Variants in FAM222B observed in about 807,000 individuals in gnomAD.
The protein encoded by FAM222B is protein FAM222B.
A neutral mutation model predicts 38.0 loss-of-function variants in FAM222B; 12 were observed. The ratio of observed to expected loss-of-function variants is 0.32; its 90% confidence interval spans 0.20 to 0.51. FAM222B has a LOEUF of 0.51. Ranked by LOEUF, FAM222B falls within the 20% of genes least tolerant of loss-of-function variation. The pLI is 0.97. For missense variants in FAM222B, 716 were observed against 754.2 expected (o/e 0.95, Z 0.59); for synonymous variants, 329 against 317.2 (o/e 1.04, Z -0.40).
chr17:28,817,579 G>A (rs1348880751), intron 1 of FAM222B, among the ~76,000 whole-genome samples: 2 of 152,032 alleles, frequency 1.3e-5, no homozygotes, highest in Non-Finnish European at 2.9e-5. Context: ...AAAATTAGCC[G>A]GCCATGGTGG....
chr17:28,834,077 C>T (rs1210167627), intron 1 of FAM222B, among the ~76,000 whole-genome samples: 1 of 152,192 alleles, frequency 6.6e-6, no homozygotes, highest in Non-Finnish European at 1.5e-5. Context: ...AATATAAAGT[C>T]AATGAGATCC....
At chr17:28,826,949 T>C (rs957088569) in intron 1 of FAM222B, among the ~76,000 whole-genome samples, 8 of 152,052 alleles carry the variant, frequency 5.3e-5, no homozygotes, top group Non-Finnish European at 8.8e-5. Context: ...GAGACCAGCA[T>C]TGGCAATATA....
At chr17:28,811,025 G>A (rs192424668) in intron 1 of FAM222B, among the ~76,000 whole-genome samples, 84 of 151,760 alleles carry the variant, frequency 5.5e-4, no homozygotes, top group Middle Eastern at 3.4e-3. Flanking sequence ...CATAAACTCT[G>A]AACCATTTTA....
chr17:28,758,113 C>T lies in FAM222B; in HGVS notation c.*157G>A. Reference sequence around the variant, plus strand: ...GCTGGAGGGGAGGACGAGAGGACCCCTTCTGTCCCCACTTAGATCCCACCA... The same window carrying T: ...GCTGGAGGGGAGGACGAGAGGACCCTTTCTGTCCCCACTTAGATCCCACCA... On this transcript the variant is annotated 3_prime_UTR_variant, in exon 3 of 3. Coordinates refer to ENST00000581407, the MANE Select transcript of FAM222B (RefSeq NM_001077498.3). 3.0e-6 allele frequency: 2 copies of T among 672,998 alleles called. No homozygotes were observed. Among genetic ancestry groups the T allele is most frequent in the Non-Finnish European group, 4.8e-6 (2 of 418,234 alleles). The allele number at this position is 672,998 out of a possible 1,614,324, so 41.7% of individuals were successfully genotyped here. A position where few individuals can be genotyped will look rare whatever the true frequency, so the allele number is the denominator to read the frequency against.
intron 1 of FAM222B, among the ~76,000 whole-genome samples, chr17:28,835,024 T>TTGTGTGTGTGTGTGTGTGTGTGTGTGTG (rs61229770): frequency 7.6e-6 from 1 of 132,010 alleles, no homozygotes; most frequent in Non-Finnish European, 1.6e-5. Context: ...TCAGCTAATT[T>TTGTGTGTGTGTGTGTGTGTGTGTGTGTG]TGTGTGTGTG....
At chr17:28,792,903 A>G (rs1160942190) in intron 1 of FAM222B, among the ~76,000 whole-genome samples, 2 of 151,324 alleles carry the variant, frequency 1.3e-5, no homozygotes, top group Non-Finnish European at 2.9e-5. Flanking sequence ...TTTAACTGCC[A>G]TGTTCACTTT....
At position 28,771,656 on chromosome 17, in the gene FAM222B, G is replaced by A. The variant is rs115272404; in HGVS notation, c.-40-4949C>T. On this transcript the variant is annotated intron_variant, in intron 1 of 2. Transcript: ENST00000581407. The stretch of plus-strand genomic sequence containing the variant: ...AGATTTTGCCACTGCACACCAGCCC[G>A]GGAAACAGTGCGAGACTCCGTCTTA... Among the ~76,000 whole-genome samples the A allele has an allele frequency of 4.6e-3, 702 of 152,250 alleles. 9 individuals are homozygous for A. The highest frequency in any genetic ancestry group is 0.016 in the African/African-American group (661 of 41,548).
intron 1 of FAM222B, among the ~76,000 whole-genome samples, chr17:28,785,299 A>G (rs1343731035): frequency 6.6e-6 from 1 of 152,204 alleles, no homozygotes; most frequent in African/African-American, 2.4e-5. Flanking sequence ...CCACAAAATA[A>G]TAGTAAGCAT....
chr17:28,781,472 T>C (rs949594500), intron 1 of FAM222B, among the ~76,000 whole-genome samples: 1 of 152,132 alleles, frequency 6.6e-6, no homozygotes, highest in Non-Finnish European at 1.5e-5. Flanking sequence ...AAAAACAGTA[T>C]GGAGGTTTCT....
At chr17:28,826,298 G>C (rs1234922721) in intron 1 of FAM222B, among the ~76,000 whole-genome samples, 1 of 151,414 alleles carries the variant, frequency 6.6e-6, no homozygotes, top group East Asian at 2.0e-4. Context: ...TCGAACTCCA[G>C]ACCTCAAGTG....
intron 2 of FAM222B, among the ~76,000 whole-genome samples, chr17:28,762,626 CAAAA>C (rs10618524): frequency 1.7e-4 from 8 of 48,154 alleles, no homozygotes; most frequent in South Asian, 9.3e-4. Context: ...GACTCCATCT[CAAAA>C]AAAAAAAAAA....
chr17:28,840,572 C>CTTT (rs1273994751), intron 1 of FAM222B, among the ~76,000 whole-genome samples: 1 of 152,110 alleles, frequency 6.6e-6, no homozygotes, highest in Admixed American at 6.6e-5. Context: ...AGCTAGAGGG[C>CTTT]TGCCTTATGC....
chr17:28,835,063 T>TGTGTGTGTGTGA (rs1555590031), intron 1 of FAM222B, among the ~76,000 whole-genome samples: 8 of 132,128 alleles, frequency 6.1e-5, no homozygotes, highest in Non-Finnish European at 9.9e-5. Flanking sequence ...TGTGTGTGTG[T>TGTGTGTGTGTGA]GTGATGGAGT....
At position 28,801,024 on chromosome 17, in the gene FAM222B, G is replaced by A. The variant is rs568512943; in HGVS notation, c.-40-34317C>T. Among the ~76,000 whole-genome samples the A allele has an allele frequency of 2.0e-5, 3 of 151,716 alleles. No homozygotes were observed. In the East Asian group the frequency reaches 5.9e-4, roughly 30 times the overall value. Reference sequence around the variant, plus strand: ...AATACAAAAATTAGCTGGGCGTGGTGGCAGGCGCCTGTAACCCAGCTACTC... The same window carrying A: ...AATACAAAAATTAGCTGGGCGTGGTAGCAGGCGCCTGTAACCCAGCTACTC... On this transcript the variant is annotated intron_variant, in intron 1 of 2. Transcript: ENST00000581407.
intron 1 of FAM222B, among the ~76,000 whole-genome samples, chr17:28,785,874 A>AT (rs1049750765): frequency 6.6e-6 from 1 of 151,892 alleles, no homozygotes; most frequent in Non-Finnish European, 1.5e-5. Context: ...TGCCCTGCTA[A>AT]TTTTTTTGTA....
intron 2 of FAM222B, among the ~76,000 whole-genome samples, chr17:28,765,371 C>T (rs1397710371): frequency 6.6e-6 from 1 of 152,158 alleles, no homozygotes; most frequent in African/African-American, 2.4e-5. Context: ...CTGTGGCTGC[C>T]GTTGCCCTAC....
upstream of FAM222B, among the ~76,000 whole-genome samples, chr17:28,845,120 G>T (rs1278443702): frequency 6.8e-6 from 1 of 147,892 alleles, no homozygotes; most frequent in Non-Finnish European, 1.5e-5. Flanking sequence ...AAATAAATAG[G>T]GCCGGGCGCG....
intron 2 of FAM222B, among the ~76,000 whole-genome samples, chr17:28,761,418 C>A (rs7215000): frequency 6.6e-6 from 1 of 152,040 alleles, no homozygotes; most frequent in Non-Finnish European, 1.5e-5. Flanking sequence ...CTCAGCTAGC[C>A]GACTCTCTCC....
chr17:28,775,897 AACAAAAAC>A (rs1213129886), intron 1 of FAM222B, among the ~76,000 whole-genome samples: 5 of 150,232 alleles, frequency 3.3e-5, no homozygotes, highest in African/African-American at 1.2e-4. Flanking sequence ...AAAAAACAAA[AACAAAAAC>A]AAAAAAACAA....
Sources: gnomAD v4.1 joint callset for allele counts (sites outside exome capture counted in the v4.1 genomes callset) on GRCh38, gnomAD v4.1.1 for gene constraint, MANE v1.5 for transcripts, NCBI Gene and HGNC (gene_info 2026-07-23, HGNC 2026-07-21) for gene names.